CSMD1: variants seen among roughly 807,000 people sequenced by gnomAD.
CSMD1 encodes CUB and Sushi multiple domains 1, also known as CUB and sushi domain-containing protein 1.
CSMD1 carries 213 observed loss-of-function variants against 417.5 expected under a neutral mutation model. That is an observed-to-expected ratio of 0.51 (90% CI 0.46 to 0.57). CSMD1 has a LOEUF of 0.57. Among genes scored for constraint, CSMD1 ranks in the 20% least tolerant of loss-of-function variants. CSMD1 has a pLI of 0.00. For synonymous variants in CSMD1, 2,862 were observed against 1,736.8 expected (o/e 1.65, Z -16.11); for missense variants, 6,923 against 4,529.7 (o/e 1.53, Z -15.17).
chr8:4,025,761 GTTCCCT>G (rs1797031996), intron 4 of CSMD1, among the ~76,000 whole-genome samples: 1 of 152,092 alleles, frequency 6.6e-6, no homozygotes, highest in Non-Finnish European at 1.5e-5. Flanking sequence ...TGTGATGTTT[GTTCCCT>G]GTTTAAGGGA....
intron 5 of CSMD1, among the ~76,000 whole-genome samples, chr8:3,979,005 A>G (rs1461514393): frequency 1.3e-5 from 2 of 152,228 alleles, no homozygotes; most frequent in East Asian, 1.9e-4. Context: ...TTGGAAAATC[A>G]GAAAAAGAAC....
intron 12 of CSMD1, among the ~76,000 whole-genome samples, chr8:3,420,895 T>C (rs1158833735): frequency 6.6e-6 from 1 of 151,984 alleles, no homozygotes; most frequent in African/African-American, 2.4e-5. Context: ...TTGAGAAAAA[T>C]CACTCTTTCC....
chr8:3,962,828 T>G (rs190559418), intron 5 of CSMD1, among the ~76,000 whole-genome samples: 1 of 152,324 alleles, frequency 6.6e-6, no homozygotes, highest in Admixed American at 6.5e-5. Flanking sequence ...TTTCACATTT[T>G]ACATGTTGTG....
At chr8:4,014,218 T>G (rs916960632) in intron 4 of CSMD1, among the ~76,000 whole-genome samples, 14 of 152,180 alleles carry the variant, frequency 9.2e-5, no homozygotes, top group African/African-American at 2.7e-4. Context: ...CCTAGAAATC[T>G]TTCCTTAGGA....
rs1287641839 is a variant in CSMD1, at chr8:3,772,211, C to T, written c.819-18169G>A. The stretch of plus-strand genomic sequence containing the variant: ...ATATACACACACACACACACACACA[C>T]ACACATATAATACACACACATATTT... On this transcript the variant is annotated intron_variant, in intron 5 of 69. Coordinates refer to ENST00000635120, the MANE Select transcript of CSMD1 (RefSeq NM_033225.6). Among the ~76,000 whole-genome samples, 3 of 139,516 alleles carry T rather than the reference C, an allele frequency of 2.2e-5. 1 individual carries two copies. The highest frequency in any genetic ancestry group is 3.1e-5 in the Non-Finnish European group (2 of 63,994). The allele number at this position is 139,516 out of a possible 152,430, so 91.5% of individuals were successfully genotyped here. A position where few individuals can be genotyped will look rare whatever the true frequency, so the allele number is the denominator to read the frequency against.
chr8:4,307,921 C>G (rs1281399092), intron 3 of CSMD1, among the ~76,000 whole-genome samples: 1 of 152,066 alleles, frequency 6.6e-6, no homozygotes, highest in African/African-American at 2.4e-5. Context: ...AGCAAGAGGA[C>G]CCCCGGATGC....
intron 1 of CSMD1, among the ~76,000 whole-genome samples, chr8:4,859,476 C>G (rs896921140): frequency 6.6e-6 from 1 of 152,058 alleles, no homozygotes; most frequent in Non-Finnish European, 1.5e-5. Flanking sequence ...AACAGGCAAC[C>G]TACACAATGG....
chr8:4,204,020 G>T (rs1205269351), intron 3 of CSMD1, among the ~76,000 whole-genome samples: 1 of 152,184 alleles, frequency 6.6e-6, no homozygotes, highest in African/African-American at 2.4e-5. Context: ...AGAATCACTT[G>T]AGCCCAGTGG....
chr8:3,994,588 G>C lies in CSMD1; in HGVS notation c.818+3315C>G, dbSNP rs181342556. Reference sequence around the variant, plus strand: ...CTCTGTTAAAGCAAGGGATTGATAGGAAGCCAACCTGCATGAAATTAGAAT... The same window carrying C: ...CTCTGTTAAAGCAAGGGATTGATAGCAAGCCAACCTGCATGAAATTAGAAT... On this transcript the variant is annotated intron_variant, in intron 5 of 69. Coordinates refer to ENST00000635120, the MANE Select transcript of CSMD1 (RefSeq NM_033225.6). Among the ~76,000 whole-genome samples the C allele has an allele frequency of 2.1e-3, 324 of 152,066 alleles. 2 individuals are homozygous for C. The highest frequency in any genetic ancestry group is 7.3e-3 in the African/African-American group (304 of 41,490).
chr8:4,348,222 A>G (rs1800886426), intron 3 of CSMD1, among the ~76,000 whole-genome samples: 1 of 152,100 alleles, frequency 6.6e-6, no homozygotes, highest in African/African-American at 2.4e-5. Flanking sequence ...TAAGAAATTC[A>G]CAATGCATAC....
At chr8:4,825,588 AAAAAGCACAG>A (rs947938683) in intron 1 of CSMD1, among the ~76,000 whole-genome samples, 79 of 68,248 alleles carry the variant, frequency 1.2e-3, no homozygotes, top group African/African-American at 3.7e-3. Context: ...AAGTGGGATC[AAAAAGCACAG>A]AAAAGAAAAG....
intron 26 of CSMD1, among the ~76,000 whole-genome samples, chr8:3,283,649 C>A (rs548487165): frequency 4.4e-4 from 67 of 152,248 alleles, no homozygotes; most frequent in Non-Finnish European, 7.5e-4. Context: ...AATTCTCTGG[C>A]CTTCCTTGGA....
chr8:4,585,673 T>A (rs1408042891), intron 2 of CSMD1, among the ~76,000 whole-genome samples: 1 of 152,016 alleles, frequency 6.6e-6, no homozygotes, highest in Admixed American at 6.6e-5. Flanking sequence ...GATTTTGCAA[T>A]GGAAAAAAAT....
At chr8:3,346,133 T>C (rs1365570583) in intron 22 of CSMD1, among the ~76,000 whole-genome samples, 3 of 152,250 alleles carry the variant, frequency 2.0e-5, no homozygotes, top group Admixed American at 1.3e-4. Context: ...TTTAACAAAA[T>C]ATATGCCTGC....
At chr8:4,684,108 A>C (rs1391897366) in intron 1 of CSMD1, among the ~76,000 whole-genome samples, 1 of 152,274 alleles carries the variant, frequency 6.6e-6, no homozygotes, top group Non-Finnish European at 1.5e-5. Context: ...GTGAAAAAGC[A>C]TATTACATAA....
chr8:4,366,120 C>G (rs1802054861), intron 3 of CSMD1, among the ~76,000 whole-genome samples: 2 of 152,090 alleles, frequency 1.3e-5, no homozygotes, highest in South Asian at 4.1e-4. Context: ...CTGTTGTTCC[C>G]TACTTTGTGT....
intron 1 of CSMD1, among the ~76,000 whole-genome samples, chr8:4,647,396 T>C (rs1409151081): frequency 1.2e-3 from 99 of 85,436 alleles, no homozygotes; most frequent in East Asian, 0.011. Flanking sequence ...GCCACGGAGG[T>C]CTGTTAGGTA....
At chr8:4,053,203 T>C (rs1451918514) in intron 3 of CSMD1, among the ~76,000 whole-genome samples, 4 of 152,188 alleles carry the variant, frequency 2.6e-5, no homozygotes, top group African/African-American at 7.2e-5. Context: ...TATAACACGT[T>C]ATTAAAAAGT....
chr8:4,275,054 A>T (rs1796398351), intron 3 of CSMD1, among the ~76,000 whole-genome samples: 1 of 152,172 alleles, frequency 6.6e-6, no homozygotes, highest in South Asian at 2.1e-4. Context: ...TTGCTCCAAG[A>T]AATTCTTCTA....
Sources: allele counts gnomAD v4.1 joint callset (sites outside exome capture counted in the v4.1 genomes callset), GRCh38; gene constraint gnomAD v4.1.1; transcripts MANE v1.5; gene names NCBI Gene and HGNC (gene_info 2026-07-23, HGNC 2026-07-21).